RIN3: variants seen among roughly 807,000 people sequenced by gnomAD.
RIN3 encodes Ras and Rab interactor 3, also known as RAB5 interacting protein 3.
A neutral mutation model predicts 76.3 loss-of-function variants in RIN3; 54 were observed. The ratio of observed to expected loss-of-function variants is 0.71; its 90% CI spans 0.57 to 0.89. The LOEUF (loss-of-function observed/expected upper bound fraction) is 0.89. RIN3 is among the 40% of genes least tolerant of loss of function. The pLI, the probability that RIN3 is intolerant of heterozygous loss-of-function variation, is 0.00. For synonymous variants in RIN3, 576 were observed against 564.0 expected, an observed-to-expected ratio of 1.02 and a Z score of -0.30; for missense variants, 1,256 against 1,322.1, an observed-to-expected ratio of 0.95 and a Z score of 0.78.
At chr14:92,557,185 C>T (rs990814102) in intron 2 of RIN3, among the ~76,000 whole-genome samples, 2 of 152,206 alleles carry the variant, frequency 1.3e-5, no homozygotes, top group African/African-American at 4.8e-5. Context: ...CTTGCAAGTT[C>T]TTCATGTGAA....
At chr14:92,666,581 CG>C (rs11305862) in intron 7 of RIN3, among the ~76,000 whole-genome samples, 108,126 of 151,986 alleles carry the variant, frequency 0.71, 39,552 homozygotes, top group African/African-American at 0.88. Flanking sequence ...AGGAGCAGAC[CG>C]GGATTCTTCA....
At chr14:92,633,512 A>C (rs1448136981) in intron 4 of RIN3, among the ~76,000 whole-genome samples, 1 of 152,196 alleles carries the variant, frequency 6.6e-6, no homozygotes, top group Non-Finnish European at 1.5e-5. Context: ...TGTGCCTGGA[A>C]AGCTCTGATA....
intron 1 of RIN3, among the ~76,000 whole-genome samples, chr14:92,525,021 C>T (rs994617957): frequency 6.6e-6 from 1 of 152,212 alleles, no homozygotes; most frequent in Non-Finnish European, 1.5e-5. Context: ...CCTGCAGGGC[C>T]GCTGTACACC....
At chr14:92,604,235 C>G (rs966330362) in intron 3 of RIN3, among the ~76,000 whole-genome samples, 1 of 152,264 alleles carries the variant, frequency 6.6e-6, no homozygotes, top group African/African-American at 2.4e-5. Flanking sequence ...GGCGCCCCCC[C>G]TCCCACTCCC....
intron 2 of RIN3, among the ~76,000 whole-genome samples, chr14:92,567,945 C>G (rs1012755782): frequency 3.3e-5 from 5 of 152,120 alleles, no homozygotes; most frequent in African/African-American, 1.2e-4. Flanking sequence ...TTATTAAGTA[C>G]ATTTTCTGTG....
At chr14:92,607,586 G>A (rs111852433) in intron 3 of RIN3, among the ~76,000 whole-genome samples, 13,366 of 152,248 alleles carry the variant, frequency 0.088, 782 homozygotes, top group Non-Finnish European at 0.13. Context: ...TCCAGCCTGG[G>A]CAACAGAGTG....
intron 5 of RIN3, 87 bp from the exon 6 acceptor site, chr14:92,651,495 G>T: frequency 2.4e-6 from 1 of 423,590 alleles, no homozygotes; most frequent in Non-Finnish European, 4.7e-6. Context: ...CCTCCCACCC[G>T]TGGACCCCGC....
intron 2 of RIN3, among the ~76,000 whole-genome samples, chr14:92,570,431 G>A (rs1898033346): frequency 6.6e-6 from 1 of 152,224 alleles, no homozygotes; most frequent in Non-Finnish European, 1.5e-5. Context: ...GGGAGGCCAA[G>A]GTGGGCTGAT....
intron 3 of RIN3, among the ~76,000 whole-genome samples, chr14:92,585,309 T>A (rs1884730029): frequency 6.6e-6 from 1 of 152,192 alleles, no homozygotes; most frequent in African/African-American, 2.4e-5. Context: ...ATGGGTCAGC[T>A]GGTGAAAGGG....
rs1040061867 is a variant in RIN3, at chr14:92,575,608, T to G, written c.250-1752T>G. On this transcript the variant is annotated intron_variant, in intron 2 of 9. Transcript: ENST00000216487. ...TCCCCTTTTTAGACATAGGCTAATT[T>G]CCTGACGTTGCCATGACATCTGTAA... is the stretch of plus-strand genomic sequence containing the variant. 3.1e-4 allele frequency among the ~76,000 whole-genome samples: 47 copies of G among 152,114 alleles called. 1 individual carries two copies. The highest frequency in any genetic ancestry group is 1.5e-5 in the Non-Finnish European group (1 of 68,026).
intron 7 of RIN3, among the ~76,000 whole-genome samples, chr14:92,671,187 C>T (rs1163266734): frequency 1.3e-5 from 2 of 152,194 alleles, no homozygotes; most frequent in Non-Finnish European, 2.9e-5. Flanking sequence ...CCTCAGCACA[C>T]TCACGATGTG....
rs2295990 is a variant in RIN3 at position 92,685,190 on chromosome 14, C to G, written c.2631+40C>G. 2.1e-4 allele frequency: 321 copies of G among 1,541,954 alleles called. 1 individual carries two copies. The East Asian group carries it at 6.2e-3, about 30-fold the overall frequency. Reference sequence around the variant, plus strand: ...CGGGAGGGGCCCGGTGGGGCCATGTCCCAGACACCATCCCTGCTGCCTGCT... The same window carrying G: ...CGGGAGGGGCCCGGTGGGGCCATGTGCCAGACACCATCCCTGCTGCCTGCT... On this transcript the variant is annotated intron_variant, in intron 9 of 9. Coordinates refer to ENST00000216487, the MANE Select transcript of RIN3 (RefSeq NM_024832.5). The surrounding 1 kb of genome is among the most constrained non-coding windows in gnomAD (Gnocchi z 4.7).
At chr14:92,615,102 A>G (rs1257388146) in intron 3 of RIN3, among the ~76,000 whole-genome samples, 1 of 151,748 alleles carries the variant, frequency 6.6e-6, no homozygotes, top group Non-Finnish European at 1.5e-5. Flanking sequence ...CAGCCTCCCA[A>G]AGTGCTGGGA....
At chr14:92,646,491 G>A (rs1424579161) in intron 5 of RIN3, among the ~76,000 whole-genome samples, 2 of 152,192 alleles carry the variant, frequency 1.3e-5, no homozygotes, top group African/African-American at 4.8e-5. Context: ...CTGGAGTGCA[G>A]TGGCACGATC....
In RIN3 at chr14:92,651,666, T is replaced by G. The variant is rs2140141239; in HGVS notation, c.617T>G (p.Leu206Arg). 6.2e-7 allele frequency: 1 copy of G among 1,613,596 alleles called. No individual in the cohort carries two copies. The highest frequency in any genetic ancestry group is 2.2e-5 in the East Asian group (1 of 44,848). The change falls in exon 6 of 10, where the codon CTA (leucine) becomes CGA (arginine). Residue 206 changes from leucine to arginine, a missense_variant. By Grantham distance (102) the Leu-to-Arg change is moderately radical. Around this residue, in one of 3 missense-constraint regions of RIN3, gnomAD observed 610 missense variants for 626.4 expected, o/e 0.97. Transcript: ENST00000216487. ...AGAGACCGGGCCCCCGGATTCCCCCTAGTCTCCAGCCTCAGGCCCACAGCC... is the reference window on the plus strand; with the variant it reads ...AGAGACCGGGCCCCCGGATTCCCCCGAGTCTCCAGCCTCAGGCCCACAGCC... ...PPRDRAPGFP[L>R]VSSLRPTAHD...
intron 5 of RIN3, among the ~76,000 whole-genome samples, chr14:92,650,298 C>T (rs553703044): frequency 3.3e-5 from 5 of 152,354 alleles, no homozygotes; most frequent in East Asian, 1.9e-4. Context: ...CTCCCCAATC[C>T]GGTGACACAG....
chr14:92,673,616 G>A lies in RIN3; in HGVS notation c.2336-2859G>A, dbSNP rs370556289. ...TGCCTCCCAGGTTCAAGTGATTCTCGTGCCTAAGCCTCCCAAGTAGCTGGG... is the reference window on the plus strand; with the variant it reads ...TGCCTCCCAGGTTCAAGTGATTCTCATGCCTAAGCCTCCCAAGTAGCTGGG... On this transcript the variant is annotated intron_variant, in intron 7 of 9. Coordinates refer to ENST00000216487, the MANE Select transcript of RIN3 (RefSeq NM_024832.5). Among the ~76,000 whole-genome samples the A allele has an allele frequency of 4.6e-5, 7 of 151,342 alleles. No homozygotes were observed. The East Asian group carries it at 5.9e-4, about 13-fold the overall frequency.
intron 5 of RIN3, among the ~76,000 whole-genome samples, chr14:92,646,687 C>T (rs577356184): frequency 5.3e-5 from 8 of 152,154 alleles, no homozygotes; most frequent in Non-Finnish European, 1.0e-4. Flanking sequence ...TGATCCGGCC[C>T]GCCTCGGCCT....
At chr14:92,546,993 A>G (rs947054715) in intron 1 of RIN3, among the ~76,000 whole-genome samples, 1 of 92,610 alleles carries the variant, frequency 1.1e-5, no homozygotes, top group Non-Finnish European at 2.4e-5. Flanking sequence ...TTTTTATTTT[A>G]TTATTATTAT....
Sources: gnomAD v4.1 joint callset for allele counts (sites outside exome capture counted in the v4.1 genomes callset) on GRCh38, gnomAD v4.1.1 for gene constraint, gnomAD v4.1.1 regional missense constraint, Gnocchi (gnomAD v3.1) non-coding constraint, MANE v1.5 for transcripts, NCBI Gene and HGNC (gene_info 2026-07-23, HGNC 2026-07-21) for gene names.